The following RORA variants were observed in gnomAD, a reference collection of about 807,000 sequenced individuals.
RORA encodes the protein nuclear receptor ROR-alpha.
Under a neutral mutation model 69.5 loss-of-function variants are expected in RORA, and 7 were observed. The ratio of observed to expected loss-of-function variants is 0.10; its 90% confidence interval spans 0.06 to 0.19. The LOEUF (loss-of-function observed/expected upper bound fraction) is 0.19, where lower values mean the gene tolerates loss of function less well. Among genes scored for constraint, RORA ranks in the 10% least tolerant of loss-of-function variants. RORA has a pLI of 1.00. For missense variants in RORA, 457 were observed against 663.0 expected, an observed-to-expected ratio of 0.69 and a Z score of 3.41; for synonymous variants, 261 against 240.8, an observed-to-expected ratio of 1.08 and a Z score of -0.78.
intron 1 of RORA, chr15:60,686,892 C>T (rs1001411940): frequency 1.3e-5 from 2 of 152,148 alleles, no homozygotes; most frequent in Non-Finnish European, 2.9e-5. Flanking sequence ...TGAATCATGC[C>T]CTTGGATAGA....
intron 2 of RORA, among the ~76,000 whole-genome samples, chr15:60,540,227 G>A (rs2066818425): frequency 6.6e-6 from 1 of 151,948 alleles, no homozygotes; most frequent in East Asian, 1.9e-4. Context: ...GAACAATTAC[G>A]CTACATTTAG....
At chr15:60,518,452 G>A (rs1254276476) in intron 3 of RORA, among the ~76,000 whole-genome samples, 2 of 152,130 alleles carry the variant, frequency 1.3e-5, no homozygotes, top group South Asian at 2.1e-4. Context: ...AGACATCTTC[G>A]GGCTTTGCAG....
In RORA at chr15:61,049,572, A is replaced by G. The variant is rs116058611; in HGVS notation, c.166+179481T>C. ...GTACCAGTCTGCAGGATGTTAACGC[A>G]CTGATAGGCTATGGACAATATATTC... On this transcript the variant is annotated intron_variant, in intron 1 of 10. Coordinates refer to ENST00000335670, the MANE Select transcript of RORA (RefSeq NM_134261.3). Among the ~76,000 whole-genome samples the G allele has an allele frequency of 7.2e-3, 1,099 of 152,312 alleles. 15 individuals are homozygous for G. The highest frequency in any genetic ancestry group is 0.025 in the African/African-American group (1,052 of 41,566).
intron 1 of RORA, among the ~76,000 whole-genome samples, chr15:61,009,074 T>C (rs1895007277): frequency 6.6e-6 from 1 of 152,110 alleles, no homozygotes; most frequent in African/African-American, 2.4e-5. Context: ...CTGCTGTGAG[T>C]AGCAAATACA....
intron 1 of RORA, among the ~76,000 whole-genome samples, chr15:61,145,004 C>A (rs561589348): frequency 6.6e-6 from 1 of 152,038 alleles, no homozygotes; most frequent in Non-Finnish European, 1.5e-5. Context: ...TTTGAGATAC[C>A]TATCTATAAA....
chr15:61,037,544 C>T (rs1896521579), intron 1 of RORA, among the ~76,000 whole-genome samples: 1 of 152,192 alleles, frequency 6.6e-6, no homozygotes, highest in Admixed American at 6.5e-5. Flanking sequence ...AGCAAGCACG[C>T]ACTCTGCTGC....
At chr15:60,948,577 C>T (rs1454721404) in intron 1 of RORA, among the ~76,000 whole-genome samples, 1 of 152,150 alleles carries the variant, frequency 6.6e-6, no homozygotes, top group African/African-American at 2.4e-5. Context: ...CATGAGCAAC[C>T]TCATCTAACA....
At chr15:60,591,292 G>A (rs941933952) in intron 2 of RORA, among the ~76,000 whole-genome samples, 1 of 148,766 alleles carries the variant, frequency 6.7e-6, no homozygotes, top group Non-Finnish European at 1.5e-5. Flanking sequence ...GGGCGCACAA[G>A]CGGGCGGCGG....
intron 1 of RORA, among the ~76,000 whole-genome samples, chr15:61,110,021 A>C (rs2078988637): frequency 6.8e-6 from 1 of 147,796 alleles, no homozygotes; most frequent in Non-Finnish European, 1.5e-5. Context: ...GTAGCCATCA[A>C]AATGTCTTAT....
At chr15:60,637,399 T>G (rs1000615028) in intron 2 of RORA, among the ~76,000 whole-genome samples, 11 of 152,146 alleles carry the variant, frequency 7.2e-5, no homozygotes, top group Non-Finnish European at 1.6e-4. Flanking sequence ...TTTTGCTGAT[T>G]GTTTATGATC....
At chr15:61,086,437 T>C (rs1482432476) in intron 1 of RORA, among the ~76,000 whole-genome samples, 1 of 152,240 alleles carries the variant, frequency 6.6e-6, no homozygotes, top group African/African-American at 2.4e-5. Context: ...CAGAGTAATG[T>C]CACTAGGCCA....
At chr15:60,997,871 A>AAAG (rs1401598694) in intron 1 of RORA, among the ~76,000 whole-genome samples, 4 of 152,230 alleles carry the variant, frequency 2.6e-5, no homozygotes, top group Non-Finnish European at 4.4e-5. Flanking sequence ...TGATAAAGTA[A>AAAG]AAGAGCCATA....
intron 2 of RORA, among the ~76,000 whole-genome samples, chr15:60,615,788 A>C (rs1465054554): frequency 6.6e-6 from 1 of 152,206 alleles, no homozygotes. Flanking sequence ...GTTAATGAGC[A>C]AGGAATGACT....
chr15:60,708,006 C>CT (rs201609163), intron 1 of RORA, among the ~76,000 whole-genome samples: 7,766 of 152,218 alleles, frequency 0.051, 260 homozygotes, highest in Non-Finnish European at 0.075. Flanking sequence ...ATTTGCAGGC[C>CT]TTTTTTGTGG....
chr15:60,616,626 C>G (rs1435825938), intron 2 of RORA, among the ~76,000 whole-genome samples: 2 of 152,184 alleles, frequency 1.3e-5, no homozygotes, highest in Non-Finnish European at 2.9e-5. Flanking sequence ...GATCTTGGAA[C>G]AGAAACAGAC....
intron 2 of RORA, among the ~76,000 whole-genome samples, chr15:60,566,825 C>T (rs924518612): frequency 6.6e-6 from 1 of 152,076 alleles, no homozygotes; most frequent in Non-Finnish European, 1.5e-5. Flanking sequence ...AAGAGAGGCT[C>T]ACTGTGTCTC....
chr15:60,781,343 C>A (rs911802717), intron 1 of RORA, among the ~76,000 whole-genome samples: 4 of 152,174 alleles, frequency 2.6e-5, no homozygotes, highest in Non-Finnish European at 5.9e-5. Context: ...AGGCCACACA[C>A]ATAAGCGAGG....
intron 1 of RORA, among the ~76,000 whole-genome samples, chr15:61,024,270 CTT>C (rs34008494): frequency 2.6e-4 from 21 of 79,396 alleles, no homozygotes; most frequent in Admixed American, 3.7e-4. Context: ...TCTTGGATCT[CTT>C]TTTTTTTTTT....
intron 1 of RORA, among the ~76,000 whole-genome samples, chr15:60,819,127 C>G (rs1232243830): frequency 1.3e-5 from 2 of 152,218 alleles, no homozygotes; most frequent in Non-Finnish European, 1.5e-5. Context: ...AAACAAAAAT[C>G]TCGAGCAGAG....
Sources: gnomAD v4.1 joint callset for allele counts (sites outside exome capture counted in the v4.1 genomes callset) on GRCh38, gnomAD v4.1.1 for gene constraint, MANE v1.5 for transcripts, NCBI Gene and HGNC (gene_info 2026-07-23, HGNC 2026-07-21) for gene names.